MANSC1: variants seen among roughly 807,000 people sequenced by gnomAD.
MANSC1 encodes the protein MANSC domain-containing protein 1.
MANSC1 carries 13 observed loss-of-function variants against 14.1 expected under a neutral mutation model. That is an observed-to-expected ratio of 0.92 (90% CI 0.60 to 1.46). The LOEUF (loss-of-function observed/expected upper bound fraction) is 1.46. Ranked by LOEUF, MANSC1 falls within the 40% of genes most tolerant of loss-of-function variation. The pLI is 0.00. For missense variants in MANSC1, 486 were observed against 511.4 expected (o/e 0.95, Z 0.48); for synonymous variants, 227 against 200.7 (o/e 1.13, Z -1.11).
intron 3 of MANSC1, among the ~76,000 whole-genome samples, chr12:12,335,794 A>G (rs949779381): frequency 4.0e-5 from 6 of 151,672 alleles, no homozygotes; most frequent in African/African-American, 1.5e-4. Flanking sequence ...CTGAACCGAC[A>G]CTGCATCACT....
intron 2 of MANSC1, among the ~76,000 whole-genome samples, chr12:12,341,735 G>A (rs1191901644): frequency 6.6e-6 from 1 of 152,132 alleles, no homozygotes; most frequent in Non-Finnish European, 1.5e-5. Flanking sequence ...CACACTTTGG[G>A]AGGCCAGCAC....
In MANSC1 at chr12:12,328,942, C is replaced by A. The variant is rs1444501980; in HGVS notation, c.*1085G>T. The A allele has an allele frequency of 6.6e-6, 1 of 151,434 alleles. No individual in the cohort carries two copies. Among genetic ancestry groups the A allele is most frequent in the African/African-American group, 2.4e-5 (1 of 40,972 alleles). 9.4% of individuals were successfully genotyped at this position (151,434 alleles called of 1,614,324 possible). On this transcript the variant is annotated 3_prime_UTR_variant, in exon 4 of 4. Coordinates refer to ENST00000535902, the MANE Select transcript of MANSC1 (RefSeq NM_018050.4). ...GGCGGAGCTGGCAGTGAGCCGAGAT[C>A]GCGCCACTGCACTCTAGCCTGGGTG...
rs899892872 is a variant in MANSC1, at chr12:12,338,522, T to C, written c.262A>G (p.Lys88Glu). 3 of 1,613,728 alleles carry C rather than the reference T, an allele frequency of 1.9e-6. No individual in the cohort carries two copies. In the African/African-American group the frequency reaches 4.0e-5, roughly 22 times the overall value. ...TAGCAGTTGGGTTGTCTAGCTGTTT[T>C]TCGAGTGTCGAAGATCATCAAGTTA... is the stretch of plus-strand genomic sequence containing the variant. The part of the protein sequence containing the change: ...ACNLMIFDTR[K>E]TARQPNCYLF... The change falls in exon 3 of 4, where the codon AAA becomes GAA. Residue 88 changes from lysine to glutamate, a missense_variant. Coordinates refer to ENST00000535902, the MANE Select transcript of MANSC1 (RefSeq NM_018050.4).
chr12:12,327,257 T>A lies in MANSC1; in HGVS notation c.*2770A>T, dbSNP rs1415222387. The A allele has an allele frequency of 6.6e-6, 1 of 152,308 alleles. No homozygotes were observed. Among genetic ancestry groups the A allele is most frequent in the Non-Finnish European group, 1.5e-5 (1 of 68,132 alleles). The allele number at this position is 152,308 out of a possible 1,614,324, so 9.4% of individuals were successfully genotyped here. A position where few individuals can be genotyped will look rare whatever the true frequency, so the allele number is the denominator to read the frequency against. ...CCAAAGGAGGGGGCTCATAACTCAA[T>A]GGGCCTTGTGGGAAAGGCTAACCAG... is the stretch of plus-strand genomic sequence containing the variant. On this transcript the variant is annotated 3_prime_UTR_variant, in exon 4 of 4. Transcript: ENST00000535902.
intron 1 of MANSC1, among the ~76,000 whole-genome samples, chr12:12,344,950 TA>T: frequency 2.0e-5 from 2 of 101,138 alleles, no homozygotes; most frequent in African/African-American, 3.7e-5. Flanking sequence ...TATATATATA[TA>T]TATATATATA....
intron 1 of MANSC1, among the ~76,000 whole-genome samples, chr12:12,348,005 G>A (rs901878467): frequency 6.6e-6 from 1 of 152,234 alleles, no homozygotes; most frequent in Admixed American, 6.5e-5. Flanking sequence ...GGAGGTTGCA[G>A]TGAGCCGAGA....
intron 1 of MANSC1, among the ~76,000 whole-genome samples, chr12:12,348,957 C>T (rs1409717143): frequency 1.3e-5 from 2 of 152,258 alleles, no homozygotes; most frequent in East Asian, 3.9e-4. Context: ...ATATGTGCTT[C>T]TTTATTAACC....
In MANSC1 at chr12:12,331,318, CA is replaced by C; in HGVS notation, c.365-361del. Among the ~76,000 whole-genome samples, 2 of 152,240 alleles carry C rather than the reference CA, an allele frequency of 1.3e-5. 1 individual carries two copies. The highest frequency in any genetic ancestry group is 4.1e-4 in the South Asian group (2 of 4,822). On this transcript the variant is annotated intron_variant, in intron 3 of 3. Transcript: ENST00000535902. ...GTGGTTTATTTCTAGCATGATAGGA[CA>C]GAAGAGAAGAGAAATGTGTGGAGGA...
chr12:12,334,634 C>T (rs186510270), intron 3 of MANSC1, among the ~76,000 whole-genome samples: 113 of 152,330 alleles, frequency 7.4e-4, no homozygotes, highest in African/African-American at 2.6e-3. Context: ...CCTTCACACT[C>T]GCCCTAAAAA....
At chr12:12,338,838 T>C (rs1239338397) in intron 2 of MANSC1, 1 of 475,566 alleles carries the variant, frequency 2.1e-6, no homozygotes, top group East Asian at 4.4e-5. Flanking sequence ...AAGCAAAGTC[T>C]TTAAAGGCCA....
chr12:12,327,552 A>G lies in MANSC1; in HGVS notation c.*2475T>C, dbSNP rs1340197915. On this transcript the variant is annotated 3_prime_UTR_variant, in exon 4 of 4. Coordinates refer to ENST00000535902, the MANE Select transcript of MANSC1 (RefSeq NM_018050.4). The stretch of plus-strand genomic sequence containing the variant: ...AGAACTCCAAGAGAGCCAGGAAAAT[A>G]CCTTTATAAACCATCACAGAAAGCC... 1.3e-5 allele frequency: 2 copies of G among 152,196 alleles called. No individual in the cohort carries two copies. Among genetic ancestry groups the G allele is most frequent in the African/African-American group, 4.8e-5 (2 of 41,450 alleles). 9.4% of individuals were successfully genotyped at this position (152,196 alleles called of 1,614,324 possible). A position where few individuals can be genotyped will look rare whatever the true frequency, so the allele number is the denominator to read the frequency against.
At chr12:12,337,891 T>C (rs984159226) in intron 3 of MANSC1, among the ~76,000 whole-genome samples, 4 of 152,212 alleles carry the variant, frequency 2.6e-5, no homozygotes, top group Non-Finnish European at 5.9e-5. Flanking sequence ...ATCTGGCACA[T>C]GGTAAATGTT....
At chr12:12,345,982 A>T (rs193176113) in intron 1 of MANSC1, among the ~76,000 whole-genome samples, 1 of 152,208 alleles carries the variant, frequency 6.6e-6, no homozygotes, top group Non-Finnish European at 1.5e-5. Flanking sequence ...TTAACATATC[A>T]GTGCTTCCTG....
At chr12:12,331,040 G>C (rs1862783518) in intron 3 of MANSC1, 82 bp from the exon 4 acceptor site, 1 of 910,930 alleles carries the variant, frequency 1.1e-6, no homozygotes, top group Admixed American at 2.3e-5. Flanking sequence ...ATATCAGCTT[G>C]TTCAAAAGAT....
intron 3 of MANSC1, among the ~76,000 whole-genome samples, chr12:12,333,971 G>C (rs958550091): frequency 3.5e-4 from 53 of 152,292 alleles, no homozygotes; most frequent in African/African-American, 1.2e-3. Context: ...AATAGAGGCT[G>C]GGCACGGTGG....
intron 2 of MANSC1, among the ~76,000 whole-genome samples, chr12:12,339,958 G>T (rs769624082): frequency 2.0e-5 from 3 of 151,934 alleles, no homozygotes; most frequent in Non-Finnish European, 4.4e-5. Context: ...GACTTCAAGC[G>T]TGCACCACCA....
At chr12:12,343,436 A>G in intron 1 of MANSC1, 22 bp from the exon 2 acceptor site, 1 of 626,978 alleles carries the variant, frequency 1.6e-6, no homozygotes, top group East Asian at 2.8e-5. Flanking sequence ...ATGGAAAATC[A>G]TCAATGAGTT....
intron 3 of MANSC1, among the ~76,000 whole-genome samples, chr12:12,335,363 CAG>C (rs1467901925): frequency 6.7e-6 from 1 of 149,880 alleles, no homozygotes; most frequent in African/African-American, 2.4e-5. Flanking sequence ...CTCCCCGAGA[CAG>C]AGTCTTGCTC....
At chr12:12,337,982 G>A (rs1475753372) in intron 3 of MANSC1, among the ~76,000 whole-genome samples, 1 of 152,202 alleles carries the variant, frequency 6.6e-6, no homozygotes, top group Non-Finnish European at 1.5e-5. Flanking sequence ...GAGATTGGGT[G>A]CGTTCAGGGT....
Sources: allele counts gnomAD v4.1 joint callset (sites outside exome capture counted in the v4.1 genomes callset), GRCh38; gene constraint gnomAD v4.1.1; transcripts MANE v1.5; gene names NCBI Gene and HGNC (gene_info 2026-07-23, HGNC 2026-07-21).